Variants in INIP observed in about 807,000 individuals in gnomAD.
INIP encodes the protein SOSS complex subunit C.
Under a neutral mutation model 14.0 loss-of-function variants are expected in INIP, and 9 were observed. That is an observed-to-expected ratio of 0.64 (90% CI 0.39 to 1.12). The LOEUF (loss-of-function observed/expected upper bound fraction) is 1.12, where lower values mean the gene tolerates loss of function less well. Ranked by LOEUF, INIP falls within the 50% of genes most tolerant of loss-of-function variation. The pLI is 0.01. For missense variants in INIP, 78 were observed against 122.7 expected (o/e 0.64, Z 1.72); for synonymous variants, 37 against 41.5 (o/e 0.89, Z 0.41).
At position 112,687,279 on chromosome 9, in the gene INIP, T is replaced by A. The variant is rs1202175354; in HGVS notation, c.*259A>T. 3 of 310,412 alleles carry A rather than the reference T, an allele frequency of 9.7e-6. No individual in the cohort carries two copies. Among genetic ancestry groups the A allele is most frequent in the African/African-American group, 2.1e-5 (1 of 47,164 alleles). The allele number at this position is 310,412 out of a possible 1,614,324, so 19.2% of individuals were successfully genotyped here. ...GACTTCGTGACCATCCAGTTCACAG[T>A]CTGATTGAGAGTTAAACAGCATTAC... is the stretch of plus-strand genomic sequence containing the variant. On this transcript the variant is annotated 3_prime_UTR_variant, in exon 5 of 5. Transcript: ENST00000374242.
intron 4 of INIP, among the ~76,000 whole-genome samples, chr9:112,687,868 G>A (rs773897884): frequency 6.6e-6 from 1 of 151,970 alleles, no homozygotes; most frequent in African/African-American, 2.4e-5. Context: ...GGCGAATCAC[G>A]AGGTCAGGAG....
intron 4 of INIP, 136 bp from the exon 5 acceptor site, chr9:112,687,769 T>C: frequency 3.9e-6 from 2 of 513,346 alleles, no homozygotes; most frequent in South Asian, 3.3e-5. Context: ...TTCATTGTTA[T>C]TGCTGAGATG....
At chr9:112,696,141 CTT>C (rs1838085840) in intron 2 of INIP, among the ~76,000 whole-genome samples, 1 of 152,104 alleles carries the variant, frequency 6.6e-6, no homozygotes, top group African/African-American at 2.4e-5. Context: ...ATCCTCCCAC[CTT>C]AGTCTCACAA....
At chr9:112,698,296 T>A (rs1405948846) in intron 2 of INIP, among the ~76,000 whole-genome samples, 53 of 118,158 alleles carry the variant, frequency 4.5e-4, no homozygotes, top group African/African-American at 1.6e-3. Flanking sequence ...AGAGCGAGAC[T>A]CTGTCTCAAA....
intron 2 of INIP, among the ~76,000 whole-genome samples, chr9:112,711,283 C>G (rs1401109241): frequency 5.3e-5 from 8 of 152,172 alleles, no homozygotes; most frequent in African/African-American, 1.7e-4. Flanking sequence ...TGGACTCCCT[C>G]TGCTGGTTCC....
At position 112,687,765 on chromosome 9, in the gene INIP, G is replaced by A. The variant is rs192089764; in HGVS notation, c.220-132C>T. 8.0e-5 allele frequency: 41 copies of A among 514,486 alleles called. 1 individual carries two copies. In the Admixed American group the frequency reaches 8.2e-4, roughly 10 times the overall value. The allele number at this position is 514,486 out of a possible 1,614,324, so 31.9% of individuals were successfully genotyped here. The stretch of plus-strand genomic sequence containing the variant: ...TTTGTTTATTCATTTATTTTTCATT[G>A]TTATTGCTGAGATGGAATTTATTTT... On this transcript the variant is annotated intron_variant, in intron 4 of 4. Transcript: ENST00000374242.
rs1837607534 is a variant in INIP, at chr9:112,685,053, A to C, written c.*2485T>G. The C allele has an allele frequency of 6.6e-6, 1 of 152,198 alleles. No individual in the cohort carries two copies. The allele number at this position is 152,198 out of a possible 1,614,324, so 9.4% of individuals were successfully genotyped here. On this transcript the variant is annotated 3_prime_UTR_variant, in exon 5 of 5. Coordinates refer to ENST00000374242, the MANE Select transcript of INIP (RefSeq NM_021218.3). Reference sequence around the variant, plus strand: ...GCCTAGCCAGACCGCACTGCGTTCCAGGATGCCTCTCTCAGGCCACTACTG... The same window carrying C: ...GCCTAGCCAGACCGCACTGCGTTCCCGGATGCCTCTCTCAGGCCACTACTG...
intron 3 of INIP, among the ~76,000 whole-genome samples, chr9:112,691,691 G>A (rs553347812): frequency 1.3e-5 from 2 of 152,358 alleles, no homozygotes; most frequent in Admixed American, 6.5e-5. Flanking sequence ...TTCTCCGAGT[G>A]AGCAAATGGA....
intron 2 of INIP, among the ~76,000 whole-genome samples, chr9:112,695,255 GAAAA>G (rs60657759): frequency 1.5e-5 from 1 of 64,698 alleles, no homozygotes; most frequent in Non-Finnish European, 3.0e-5. Context: ...CAGAACTACA[GAAAA>G]AAAAAAAAAA....
chr9:112,688,871 A>C (rs1411465737), intron 4 of INIP, among the ~76,000 whole-genome samples: 1 of 152,150 alleles, frequency 6.6e-6, no homozygotes, highest in Non-Finnish European at 1.5e-5. Flanking sequence ...AAAATAAAAT[A>C]AAGTGAGATG....
chr9:112,715,134 A>ACC (rs1491222769), intron 2 of INIP, among the ~76,000 whole-genome samples: 13 of 6,988 alleles, frequency 1.9e-3, no homozygotes, highest in Non-Finnish European at 3.4e-3. Context: ...ATACATACAT[A>ACC]CACACACACA....
intron 2 of INIP, among the ~76,000 whole-genome samples, chr9:112,710,103 G>A (rs145463830): frequency 7.4e-4 from 113 of 152,266 alleles, no homozygotes; most frequent in Non-Finnish European, 1.1e-3. Flanking sequence ...TAGTATAAAC[G>A]TGAAGAATAA....
At chr9:112,688,122 A>AAATAAATAAATC (rs1170727846) in intron 4 of INIP, among the ~76,000 whole-genome samples, 1 of 151,188 alleles carries the variant, frequency 6.6e-6, no homozygotes, top group African/African-American at 2.4e-5. Flanking sequence ...ATAAATAAAT[A>AAATAAATAAATC]AATCAGTTTT....
Position 112,715,117 on chromosome 9 carries a change from CACATACAT to C in INIP, c.25+1336_25+1343del, listed in dbSNP as rs1332316152. ...AAGCCAATTGAGATCTTAAAATACA[CACATACAT>C]ACATACATACACACACACACACACA... On this transcript the variant is annotated intron_variant, in intron 2 of 4. Coordinates refer to ENST00000374242, the MANE Select transcript of INIP (RefSeq NM_021218.3). Among the ~76,000 whole-genome samples the C allele has an allele frequency of 3.9e-3, 542 of 139,930 alleles. 3 individuals carry two copies. The highest frequency in any genetic ancestry group is 0.014 in the African/African-American group (504 of 36,988). 91.8% of individuals were successfully genotyped at this position (139,930 alleles called of 152,430 possible).
At position 112,702,850 on chromosome 9, in the gene INIP, A is replaced by G. The variant is rs116124446; in HGVS notation, c.26-8617T>C. Reference sequence around the variant, plus strand: ...AGTGCTGGGATTACAGGCATGAGACACTGTCCCCGGATGAAAAATTTATAA... The same window carrying G: ...AGTGCTGGGATTACAGGCATGAGACGCTGTCCCCGGATGAAAAATTTATAA... On this transcript the variant is annotated intron_variant, in intron 2 of 4. Coordinates refer to ENST00000374242, the MANE Select transcript of INIP (RefSeq NM_021218.3). Among the ~76,000 whole-genome samples, 540 of 152,344 alleles carry G rather than the reference A, an allele frequency of 3.5e-3. 4 individuals are homozygous for G. The highest frequency in any genetic ancestry group is 0.013 in the African/African-American group (530 of 41,580).
rs907909078 is a variant in INIP, at chr9:112,684,618, C to CA, written c.*2919dup. 6.6e-5 allele frequency: 10 copies of CA among 152,182 alleles called. No homozygotes were observed. The highest frequency in any genetic ancestry group is 3.3e-4 in the Admixed American group (5 of 15,278). 9.4% of individuals were successfully genotyped at this position (152,182 alleles called of 1,614,324 possible). ...ACACAGAAACAGAATATTCATGAGG[C>CA]AAAACCACCTATTTCTATATGCAGT... On this transcript the variant is annotated 3_prime_UTR_variant, in exon 5 of 5. Transcript: ENST00000374242.
At chr9:112,688,575 CTT>C (rs1450809140) in intron 4 of INIP, among the ~76,000 whole-genome samples, 2 of 151,508 alleles carry the variant, frequency 1.3e-5, no homozygotes, top group African/African-American at 4.9e-5. Flanking sequence ...AATCCCAACA[CTT>C]TGGGTGACTG....
At chr9:112,697,339 A>G (rs886150684) in intron 2 of INIP, among the ~76,000 whole-genome samples, 2 of 152,222 alleles carry the variant, frequency 1.3e-5, no homozygotes, top group Non-Finnish European at 2.9e-5. Context: ...AACAACTACA[A>G]GATGTTAGGA....
intron 2 of INIP, among the ~76,000 whole-genome samples, chr9:112,698,235 C>T (rs1222871690): frequency 1.6e-5 from 2 of 128,938 alleles, no homozygotes; most frequent in East Asian, 2.5e-4. Context: ...ACCTTGGAGG[C>T]GGAGGTTGCA....
Sources: gnomAD v4.1 joint callset for allele counts (sites outside exome capture counted in the v4.1 genomes callset) on GRCh38, gnomAD v4.1.1 for gene constraint, MANE v1.5 for transcripts, NCBI Gene and HGNC (gene_info 2026-07-23, HGNC 2026-07-21) for gene names.